The following TIAM1 variants were observed in gnomAD, a reference collection of about 807,000 sequenced individuals.
TIAM1 encodes rho guanine nucleotide exchange factor TIAM1.
TIAM1 carries 65 observed loss-of-function variants against 163.5 expected under a neutral mutation model. The observed-to-expected ratio is 0.40, with a 90% confidence interval of 0.33 to 0.49. TIAM1 has a LOEUF of 0.49. Ranked by LOEUF, TIAM1 falls within the 20% of genes least tolerant of loss-of-function variation. The pLI is 0.77. For synonymous variants in TIAM1, 833 were observed against 810.1 expected (o/e 1.03, Z -0.48); for missense variants, 1,789 against 2,044.7 (o/e 0.87, Z 2.41).
At chr21:31,465,660 T>C (rs2045500769) in intron 1 of TIAM1, among the ~76,000 whole-genome samples, 1 of 151,392 alleles carries the variant, frequency 6.6e-6, no homozygotes, top group Non-Finnish European at 1.5e-5. Context: ...AAGCCCCGCC[T>C]CCCGGGTTCA....
chr21:31,234,348 G>A (rs1456412502), intron 6 of TIAM1, among the ~76,000 whole-genome samples: 1 of 128,854 alleles, frequency 7.8e-6, no homozygotes, highest in East Asian at 2.6e-4. Flanking sequence ...AGGAGGAAGG[G>A]AGAGAGGAGG....
rs2045956059 is a variant in TIAM1, at chr21:31,477,054, T to C, written c.-421-13019A>G. On this transcript the variant is annotated intron_variant, in intron 1 of 28. Transcript: ENST00000286827. ...ACTTCCTTAGAGCACATGCATCTCA[T>C]GTCCTTTCTTAATGTAGACATGTAT... 2.6e-5 allele frequency among the ~76,000 whole-genome samples: 4 copies of C among 152,000 alleles called. No individual in the cohort carries two copies. The South Asian group carries it at 8.3e-4, about 32-fold the overall frequency.
chr21:31,541,468 A>T (rs2048322176), intron 1 of TIAM1, among the ~76,000 whole-genome samples: 1 of 152,180 alleles, frequency 6.6e-6, no homozygotes, highest in African/African-American at 2.4e-5. Context: ...AAAAGAAGGA[A>T]AAAGAAAGAA....
At chr21:31,270,535 C>T (rs1472157905) in intron 3 of TIAM1, among the ~76,000 whole-genome samples, 1 of 152,160 alleles carries the variant, frequency 6.6e-6, no homozygotes, top group Non-Finnish European at 1.5e-5. Flanking sequence ...GGAGGGAGGA[C>T]AAGCTTTTAG....
chr21:31,540,328 T>C (rs756869869), intron 1 of TIAM1, among the ~76,000 whole-genome samples: 3 of 146,090 alleles, frequency 2.1e-5, no homozygotes, highest in Non-Finnish European at 3.0e-5. Context: ...GAGGTTGCAG[T>C]GAGCCAAGAT....
rs779154961 is a variant in TIAM1, at chr21:31,210,088, C to T, written c.2345G>A (p.Arg782Gln). ...PNNQPALTVV[R>Q]PGDTARDTLE... ...GGTGTCCCGTGCAGTGTCGCCTGGC[C>T]GGACGACCGTCAGGGCAGGCTGATT... The change falls in exon 11 of 28, where the codon CGG becomes CAG. Residue 782 changes from arginine to glutamine, a missense_variant. Around this residue, in one of 5 missense-constraint regions of TIAM1, gnomAD observed 456 missense variants for 586.6 expected, o/e 0.78. Transcript: ENST00000541036. 2.3e-5 allele frequency: 37 copies of T among 1,613,970 alleles called. No individual in the cohort carries two copies. The highest frequency in any genetic ancestry group is 7.7e-5 in the South Asian group (7 of 91,080).
chr21:31,179,965 G>A (rs866272538), intron 15 of TIAM1, among the ~76,000 whole-genome samples: 2 of 149,254 alleles, frequency 1.3e-5, no homozygotes, highest in Admixed American at 6.7e-5. Flanking sequence ...AAGTGCAGTG[G>A]TGCAATCTCA....
chr21:31,256,037 C>T (rs2072082520), intron 4 of TIAM1, among the ~76,000 whole-genome samples: 1 of 152,156 alleles, frequency 6.6e-6, no homozygotes, highest in South Asian at 2.1e-4. Flanking sequence ...GTTTTCTTAG[C>T]ATTTGAGCTG....
At chr21:31,260,187 AAAT>A (rs1045458999) in intron 4 of TIAM1, among the ~76,000 whole-genome samples, 6 of 147,224 alleles carry the variant, frequency 4.1e-5, no homozygotes, top group African/African-American at 1.5e-4. Flanking sequence ...ATAAATAAAT[AAAT>A]AAATATTTTT....
intron 6 of TIAM1, among the ~76,000 whole-genome samples, chr21:31,242,387 G>T (rs1286116054): frequency 6.6e-6 from 1 of 152,054 alleles, no homozygotes; most frequent in Non-Finnish European, 1.5e-5. Context: ...GCTGGCTGTG[G>T]TGGTGCACAC....
At chr21:31,306,935 C>CATT (rs1396915341) in intron 2 of TIAM1, among the ~76,000 whole-genome samples, 1 of 152,184 alleles carries the variant, frequency 6.6e-6, no homozygotes, top group Admixed American at 6.5e-5. Context: ...TTGAAAAACA[C>CATT]TAATGTCTTT....
chr21:31,137,058 G>A (rs957304326), intron 22 of TIAM1, among the ~76,000 whole-genome samples: 16 of 152,234 alleles, frequency 1.1e-4, no homozygotes, highest in African/African-American at 2.7e-4. Flanking sequence ...ATCTAGACAC[G>A]ATGATCCAGA....
intron 15 of TIAM1, among the ~76,000 whole-genome samples, chr21:31,181,762 T>G (rs1309892261): frequency 5.6e-5 from 1 of 17,882 alleles, no homozygotes; most frequent in Non-Finnish European, 1.0e-4. Context: ...TCTTCTTTTT[T>G]TTTTTTTTTT....
chr21:31,148,613 C>T (rs917468874), intron 19 of TIAM1, among the ~76,000 whole-genome samples: 21 of 152,176 alleles, frequency 1.4e-4, no homozygotes, highest in African/African-American at 4.6e-4. Flanking sequence ...CTTTAGCCAT[C>T]CTAAAGCCAT....
chr21:31,385,858 T>C (rs2076859079), intron 2 of TIAM1, among the ~76,000 whole-genome samples: 1 of 117,030 alleles, frequency 8.5e-6, no homozygotes, highest in East Asian at 2.1e-4. Context: ...ATAATACATA[T>C]TGATTATATA....
In TIAM1 at chr21:31,141,653, G is replaced by A; in HGVS notation, c.3476-149C>T. The A allele has an allele frequency of 1.2e-6, 1 of 800,620 alleles. No individual in the cohort carries two copies. Among genetic ancestry groups the A allele is most frequent in the Non-Finnish European group, 2.0e-6 (1 of 507,520 alleles). The allele number at this position is 800,620 out of a possible 1,614,324, so 49.6% of individuals were successfully genotyped here. On this transcript the variant is annotated intron_variant, in intron 20 of 27. Transcript: ENST00000541036. The surrounding 1 kb of genome is among the most constrained non-coding windows in gnomAD (Gnocchi z 4.7). Reference sequence around the variant, plus strand: ...CAGGAAGAGGGACAGGTAGGGGAGGGGGCAGTCAGGGAGACCACAGGCAGT... The same window carrying A: ...CAGGAAGAGGGACAGGTAGGGGAGGAGGCAGTCAGGGAGACCACAGGCAGT...
chr21:31,202,166 A>C (rs757067263), intron 12 of TIAM1, among the ~76,000 whole-genome samples: 1 of 152,144 alleles, frequency 6.6e-6, no homozygotes, highest in African/African-American at 2.4e-5. Flanking sequence ...GATTTGATCC[A>C]GCAGTTTCAA....
chr21:31,209,392 C>T (rs1383268736), intron 11 of TIAM1, among the ~76,000 whole-genome samples: 2 of 152,190 alleles, frequency 1.3e-5, no homozygotes, highest in African/African-American at 4.8e-5. Flanking sequence ...AAACCAGGTT[C>T]ACTTTGAAAA....
In TIAM1 at chr21:31,502,348, G is replaced by A. The variant is rs141881485; in HGVS notation, c.-421-38313C>T. Among the ~76,000 whole-genome samples the A allele has an allele frequency of 2.7e-3, 407 of 152,128 alleles. 2 individuals carry two copies. Among genetic ancestry groups the A allele is most frequent in the African/African-American group, 9.2e-3 (380 of 41,512 alleles). ...GTGCAGTGAGGTAATCTAGGCTCAC[G>A]GCAGCCTCGAACTCCTGGGCTCACG... On this transcript the variant is annotated intron_variant, in intron 1 of 28. Coordinates refer to the TIAM1 transcript ENST00000286827.
Sources: gnomAD v4.1 joint callset for allele counts (sites outside exome capture counted in the v4.1 genomes callset) on GRCh38, gnomAD v4.1.1 for gene constraint, gnomAD v4.1.1 regional missense constraint, Gnocchi (gnomAD v3.1) non-coding constraint, MANE v1.5 for transcripts, NCBI Gene and HGNC (gene_info 2026-07-23, HGNC 2026-07-21) for gene names.